Variants in WWOX observed in about 807,000 individuals in gnomAD.
WWOX encodes the protein WW domain-containing oxidoreductase.
WWOX carries 69 observed loss-of-function variants against 46.2 expected under a neutral mutation model. That is an observed-to-expected ratio of 1.49 (90% CI 1.23 to 1.82). The LOEUF (loss-of-function observed/expected upper bound fraction) is 1.82, where lower values mean the gene tolerates loss of function less well. Among genes scored for constraint, WWOX ranks in the 40% most tolerant of loss-of-function variants. The pLI, the probability that WWOX is intolerant of heterozygous loss-of-function variation, is 0.00. For synonymous variants in WWOX, 359 were observed against 202.6 expected (o/e 1.77, Z -6.56); for missense variants, 919 against 542.6 (o/e 1.69, Z -6.89).
At chr16:78,731,995 C>T (rs2048981473) in intron 8 of WWOX, among the ~76,000 whole-genome samples, 1 of 151,892 alleles carries the variant, frequency 6.6e-6, no homozygotes, top group Non-Finnish European at 1.5e-5. Flanking sequence ...AACAGGTATG[C>T]ACTACCATGC....
Position 79,211,819 on chromosome 16 carries a change from A to G in WWOX, c.*23A>G. The G allele has an allele frequency of 6.2e-7, 1 of 1,613,676 alleles. No homozygotes were observed. The highest frequency in any genetic ancestry group is 1.3e-5 in the African/African-American group (1 of 75,066). ...TAAGTGGAGCTCAGAGCGGATGGGC[A>G]CACACACCCGCCCTGTGTGTGTCCC... On this transcript the variant is annotated 3_prime_UTR_variant, in exon 9 of 9. Transcript: ENST00000566780.
intron 8 of WWOX, among the ~76,000 whole-genome samples, chr16:78,882,284 C>G (rs1490410436): frequency 6.6e-6 from 1 of 152,136 alleles, no homozygotes; most frequent in African/African-American, 2.4e-5. Context: ...GGAGCCAGGA[C>G]AGTATTTGTA....
intron 8 of WWOX, among the ~76,000 whole-genome samples, chr16:78,984,043 A>AT (rs112115919): frequency 0.033 from 4,964 of 150,760 alleles, 257 homozygotes; most frequent in African/African-American, 0.11. Flanking sequence ...ATGCCCGGCT[A>AT]TTTTTTTTGT....
intron 8 of WWOX, among the ~76,000 whole-genome samples, chr16:79,190,799 A>G (rs923730190): frequency 1.3e-5 from 2 of 152,226 alleles, no homozygotes; most frequent in African/African-American, 4.8e-5. Flanking sequence ...CTTTTGCACT[A>G]CAGTAGCAAA....
chr16:79,194,613 C>A (rs1288812540), intron 8 of WWOX, among the ~76,000 whole-genome samples: 1 of 152,134 alleles, frequency 6.6e-6, no homozygotes, highest in Non-Finnish European at 1.5e-5. Context: ...TCCTTCTCCA[C>A]CCCCGTTCAG....
chr16:78,832,528 C>T (rs992735959), intron 8 of WWOX, among the ~76,000 whole-genome samples: 1 of 152,208 alleles, frequency 6.6e-6, no homozygotes, highest in African/African-American at 2.4e-5. Flanking sequence ...CCACCACACT[C>T]TGCCACTCCA....
At chr16:78,856,136 G>A (rs2052560740) in intron 8 of WWOX, among the ~76,000 whole-genome samples, 2 of 152,184 alleles carry the variant, frequency 1.3e-5, no homozygotes, top group Non-Finnish European at 2.9e-5. Flanking sequence ...GGAGTTCAGG[G>A]TTGAAAAGAG....
At chr16:78,538,218 CAAAAAAAAAAAAA>C (rs67413792) in intron 8 of WWOX, among the ~76,000 whole-genome samples, 5 of 60,034 alleles carry the variant, frequency 8.3e-5, no homozygotes, top group African/African-American at 1.5e-4. Flanking sequence ...TCACTCACAC[CAAAAAAAAAAAAA>C]AAAAAAAAAA....
intron 4 of WWOX, among the ~76,000 whole-genome samples, chr16:78,148,850 A>T (rs892476384): frequency 1.6e-5 from 2 of 124,992 alleles, no homozygotes; most frequent in Non-Finnish European, 3.2e-5. Flanking sequence ...GTGAGCCGAG[A>T]TTGCGCCACT....
intron 8 of WWOX, among the ~76,000 whole-genome samples, chr16:78,929,844 T>C (rs1019721319): frequency 1.3e-5 from 2 of 152,178 alleles, no homozygotes; most frequent in Non-Finnish European, 2.9e-5. Context: ...GGAAATGCGA[T>C]TGTGCACGGA....
chr16:78,395,405 G>T (rs1270237464), intron 6 of WWOX, among the ~76,000 whole-genome samples: 1 of 152,288 alleles, frequency 6.6e-6, no homozygotes, highest in African/African-American at 2.4e-5. Context: ...TGTAGTCCCA[G>T]CTGCTTGGGA....
At chr16:78,179,644 A>C (rs550462136) in intron 5 of WWOX, 1 of 152,346 alleles carries the variant, frequency 6.6e-6, no homozygotes, top group South Asian at 2.1e-4. Context: ...CTTTAAATGC[A>C]TTAATTCAGT....
chr16:78,362,363 A>C (rs957222346), intron 5 of WWOX, among the ~76,000 whole-genome samples: 4 of 152,176 alleles, frequency 2.6e-5, no homozygotes, highest in African/African-American at 9.7e-5. Flanking sequence ...TAATCCCAGC[A>C]CTTTGGAAGG....
At chr16:79,130,509 G>C (rs773978582) in intron 8 of WWOX, among the ~76,000 whole-genome samples, 1 of 152,294 alleles carries the variant, frequency 6.6e-6, no homozygotes, top group Admixed American at 6.5e-5. Context: ...TGAGTCTTGA[G>C]ACTCCAGAGA....
At chr16:78,447,992 C>T (rs2083600917) in intron 8 of WWOX, among the ~76,000 whole-genome samples, 1 of 152,080 alleles carries the variant, frequency 6.6e-6, no homozygotes. Flanking sequence ...TTAGTGGAGA[C>T]AGGGTTTCAC....
intron 4 of WWOX, among the ~76,000 whole-genome samples, chr16:78,121,041 C>T (rs1683164524): frequency 1.3e-5 from 2 of 151,828 alleles, no homozygotes; most frequent in African/African-American, 4.8e-5. Flanking sequence ...AGCTAACTTA[C>T]ATTTAGTCAT....
At chr16:78,833,522 C>A (rs544847397) in intron 8 of WWOX, among the ~76,000 whole-genome samples, 5 of 152,148 alleles carry the variant, frequency 3.3e-5, no homozygotes, top group Non-Finnish European at 7.3e-5. Flanking sequence ...ATACCTACAA[C>A]GTGCAGTGAG....
intron 8 of WWOX, among the ~76,000 whole-genome samples, chr16:78,692,885 A>G (rs1300452971): frequency 6.6e-6 from 1 of 152,218 alleles, no homozygotes; most frequent in Non-Finnish European, 1.5e-5. Context: ...AGTAAAAACA[A>G]ACATGAATAT....
chr16:79,113,947 C>G (rs1333189191), intron 8 of WWOX, among the ~76,000 whole-genome samples: 1 of 152,190 alleles, frequency 6.6e-6, no homozygotes, highest in Non-Finnish European at 1.5e-5. Context: ...TAAGGCCCAG[C>G]CACAACGTGT....
Sources: allele counts gnomAD v4.1 joint callset (sites outside exome capture counted in the v4.1 genomes callset), GRCh38; gene constraint gnomAD v4.1.1; transcripts MANE v1.5; gene names NCBI Gene and HGNC (gene_info 2026-07-23, HGNC 2026-07-21).